The following STARD3NL variants were observed in gnomAD, a reference collection of about 807,000 sequenced individuals.
STARD3NL encodes STARD3 N-terminal like, also known as STARD3 N-terminal-like protein.
STARD3NL carries 17 observed loss-of-function variants against 30.9 expected under a neutral mutation model. The ratio of observed to expected loss-of-function variants is 0.55; its 90% confidence interval spans 0.38 to 0.82. The LOEUF (loss-of-function observed/expected upper bound fraction) is 0.82, where lower values mean the gene tolerates loss of function less well. Among genes scored for constraint, STARD3NL ranks in the 40% least tolerant of loss-of-function variants. STARD3NL has a pLI of 0.00. For synonymous variants in STARD3NL, 112 were observed against 100.5 expected (o/e 1.11, Z -0.69); for missense variants, 234 against 277.6 (o/e 0.84, Z 1.12).
intron 2 of STARD3NL, among the ~76,000 whole-genome samples, chr7:38,208,106 G>C (rs1785593883): frequency 6.6e-6 from 1 of 152,068 alleles, no homozygotes; most frequent in Non-Finnish European, 1.5e-5. Flanking sequence ...CTGAGTAGTT[G>C]CAGTTGAATA....
chr7:38,215,125 G>A lies in STARD3NL; in HGVS notation c.381+20G>A, dbSNP rs1355180825. The A allele has an allele frequency of 3.7e-6, 6 of 1,612,504 alleles. No individual in the cohort carries two copies. The highest frequency in any genetic ancestry group is 5.1e-6 in the Non-Finnish European group (6 of 1,178,754). Reference sequence around the variant, plus strand: ...ATAGCGGTGAGTATGCCCTGCATGAGTGGGTCATCTCCTCCAGTGCTGGTG... The same window carrying A: ...ATAGCGGTGAGTATGCCCTGCATGAATGGGTCATCTCCTCCAGTGCTGGTG... On this transcript the variant is annotated intron_variant, in intron 4 of 8. Coordinates refer to ENST00000009041, the MANE Select transcript of STARD3NL (RefSeq NM_032016.4).
intron 3 of STARD3NL, 96 bp from the exon 4 acceptor site, chr7:38,214,932 A>T (rs2116332399): frequency 9.0e-7 from 1 of 1,112,016 alleles, no homozygotes; most frequent in South Asian, 1.4e-5. Context: ...TCTCCAGCTA[A>T]ATCACAGTAA....
At chr7:38,221,378 T>C (rs34938473) in intron 7 of STARD3NL, among the ~76,000 whole-genome samples, 12,265 of 152,266 alleles carry the variant, frequency 0.081, 614 homozygotes, top group East Asian at 0.14. Context: ...CCATTTTTTA[T>C]AAGTCTGTGT....
At chr7:38,202,547 CT>C (rs370794325) in intron 1 of STARD3NL, among the ~76,000 whole-genome samples, 7 of 150,962 alleles carry the variant, frequency 4.6e-5, no homozygotes, top group South Asian at 4.2e-4. Flanking sequence ...TGATATATTT[CT>C]TTTTTTTTAA....
At chr7:38,185,871 A>G (rs1468361198) in intron 1 of STARD3NL, among the ~76,000 whole-genome samples, 2 of 152,224 alleles carry the variant, frequency 1.3e-5, no homozygotes, top group Admixed American at 6.5e-5. Context: ...CCACTTGCCT[A>G]TGATTCCTGG....
At chr7:38,220,608 T>G (rs1366106957) in intron 7 of STARD3NL, among the ~76,000 whole-genome samples, 1 of 152,054 alleles carries the variant, frequency 6.6e-6, no homozygotes. Flanking sequence ...AAACATAGAG[T>G]TACCATATGA....
chr7:38,197,035 T>G lies in STARD3NL; in HGVS notation c.-58-10412T>G, dbSNP rs567843330. On this transcript the variant is annotated intron_variant, in intron 1 of 8. Transcript: ENST00000009041. Reference sequence around the variant, plus strand: ...AGCTTCGTGGTGAAGCTTCTCAGACTCAGGAGGTTGGAGTGTCACACACAT... The same window carrying G: ...AGCTTCGTGGTGAAGCTTCTCAGACGCAGGAGGTTGGAGTGTCACACACAT... Among the ~76,000 whole-genome samples the G allele has an allele frequency of 2.3e-3, 354 of 152,322 alleles. 3 individuals are homozygous for G. The highest frequency in any genetic ancestry group is 8.2e-3 in the African/African-American group (339 of 41,566).
chr7:38,230,004 G>A lies in STARD3NL; in HGVS notation c.*99G>A, dbSNP rs1174254169. ...CCCTGTCGACAGTAAAGTTGAAATG[G>A]TGACGTCCACTGCTGGCTTTATTGA... On this transcript the variant is annotated 3_prime_UTR_variant, in exon 9 of 9. Coordinates refer to ENST00000009041, the MANE Select transcript of STARD3NL (RefSeq NM_032016.4). 1.3e-5 allele frequency: 2 copies of A among 152,632 alleles called. No individual in the cohort carries two copies. The highest frequency in any genetic ancestry group is 4.8e-5 in the African/African-American group (2 of 41,434). 9.5% of individuals were successfully genotyped at this position (152,632 alleles called of 1,614,324 possible).
intron 1 of STARD3NL, among the ~76,000 whole-genome samples, chr7:38,188,487 T>G (rs192256903): frequency 6.6e-6 from 1 of 152,318 alleles, no homozygotes; most frequent in East Asian, 1.9e-4. Flanking sequence ...TTCCATCCCC[T>G]TCCTGTAGAA....
At chr7:38,216,879 CTGAG>C in intron 4 of STARD3NL, 142 bp from the exon 5 acceptor site, 1 of 857,184 alleles carries the variant, frequency 1.2e-6, no homozygotes, top group Non-Finnish European at 1.9e-6. Context: ...GGGAGAGAGA[CTGAG>C]TGATATGGGA....
intron 4 of STARD3NL, chr7:38,216,453 A>T (rs1786114695): frequency 7.9e-6 from 1 of 125,898 alleles, no homozygotes; most frequent in South Asian, 2.4e-4. Context: ...TCTCCCAAGC[A>T]GCTCTGTGTG....
intron 5 of STARD3NL, 45 bp downstream of exon 5, chr7:38,217,123 G>A: frequency 6.2e-7 from 1 of 1,613,842 alleles, no homozygotes; most frequent in Non-Finnish European, 8.5e-7. Context: ...CTTCAGTGAT[G>A]AAGCCTCGTT....
chr7:38,213,460 A>G (rs558862728), intron 2 of STARD3NL, among the ~76,000 whole-genome samples: 2 of 152,338 alleles, frequency 1.3e-5, no homozygotes, highest in African/African-American at 2.4e-5. Flanking sequence ...CCCTATGGCA[A>G]CTTTCATTCG....
rs1433751565 is a variant in STARD3NL, at chr7:38,229,992, A to G, written c.*87A>G. 1 of 152,668 alleles carries G rather than the reference A, an allele frequency of 6.6e-6. No homozygotes were observed. The highest frequency in any genetic ancestry group is 1.5e-5 in the Non-Finnish European group (1 of 68,044). 9.5% of individuals were successfully genotyped at this position (152,668 alleles called of 1,614,324 possible). Reference sequence around the variant, plus strand: ...GCAGTGGAGTCTCCCTGTCGACAGTAAAGTTGAAATGGTGACGTCCACTGC... The same window carrying G: ...GCAGTGGAGTCTCCCTGTCGACAGTGAAGTTGAAATGGTGACGTCCACTGC... On this transcript the variant is annotated 3_prime_UTR_variant, in exon 9 of 9. Transcript: ENST00000009041.
intron 7 of STARD3NL, among the ~76,000 whole-genome samples, chr7:38,225,267 A>G (rs963740017): frequency 2.0e-5 from 3 of 152,190 alleles, no homozygotes; most frequent in Admixed American, 1.3e-4. Context: ...TATGATTTAC[A>G]AATATTTTTC....
At chr7:38,185,725 C>T (rs984241013) in intron 1 of STARD3NL, among the ~76,000 whole-genome samples, 6 of 152,196 alleles carry the variant, frequency 3.9e-5, no homozygotes, top group African/African-American at 1.4e-4. Context: ...TTGCTGACTA[C>T]TTATCAGCTG....
intron 7 of STARD3NL, among the ~76,000 whole-genome samples, chr7:38,221,928 C>T (rs1053867563): frequency 2.0e-5 from 3 of 152,158 alleles, no homozygotes; most frequent in Non-Finnish European, 4.4e-5. Context: ...CTCACATGTT[C>T]CCATGTTCTT....
At chr7:38,181,326 C>T (rs941111248) in intron 1 of STARD3NL, among the ~76,000 whole-genome samples, 3 of 152,126 alleles carry the variant, frequency 2.0e-5, no homozygotes, top group Non-Finnish European at 4.4e-5. Context: ...GAGTTTCTTC[C>T]TGTTATTGAG....
intron 1 of STARD3NL, among the ~76,000 whole-genome samples, chr7:38,182,053 C>T (rs1318262551): frequency 6.6e-6 from 1 of 152,174 alleles, no homozygotes; most frequent in Non-Finnish European, 1.5e-5. Flanking sequence ...ACACCAGTTA[C>T]CAATCCTGAT....
Sources: gnomAD v4.1 joint callset for allele counts (sites outside exome capture counted in the v4.1 genomes callset) on GRCh38, gnomAD v4.1.1 for gene constraint, MANE v1.5 for transcripts, NCBI Gene and HGNC (gene_info 2026-07-23, HGNC 2026-07-21) for gene names.